The following KCNIP4 variants were observed in gnomAD, a reference collection of about 807,000 sequenced individuals.
KCNIP4 encodes the protein potassium voltage-gated channel interacting protein 4.
Under a neutral mutation model 34.0 loss-of-function variants are expected in KCNIP4, and 12 were observed. The observed-to-expected ratio is 0.35, with a 90% CI of 0.23 to 0.57. The LOEUF (loss-of-function observed/expected upper bound fraction) is 0.57. Ranked by LOEUF, KCNIP4 falls within the 20% of genes least tolerant of loss-of-function variation. KCNIP4 has a pLI of 0.83. For synonymous variants in KCNIP4, 124 were observed against 102.2 expected (o/e 1.21, Z -1.29); for missense variants, 238 against 311.7 (o/e 0.76, Z 1.78).
rs140861893 is a variant in KCNIP4 at position 21,372,353 on chromosome 4, A to AATAGATAGATAGATAGATAG, written c.62-489664_62-489645dup. 1.7e-3 allele frequency among the ~76,000 whole-genome samples: 240 copies of AATAGATAGATAGATAGATAG among 139,066 alleles called. 7 individuals carry two copies. The highest frequency in any genetic ancestry group is 2.8e-3 in the East Asian group (13 of 4,606). The allele number at this position is 139,066 out of a possible 152,430, so 91.2% of individuals were successfully genotyped here. On this transcript the variant is annotated intron_variant, in intron 1 of 8. Coordinates refer to ENST00000382152, the MANE Select transcript of KCNIP4 (RefSeq NM_025221.6). ...TTTTTTCAAGTTTTCCAGTTTGGTG[A>AATAGATAGATAGATAGATAG]ATAGATAGATAGATAGATAGATAGA...
At chr4:21,021,544 C>G (rs1285999175) in intron 1 of KCNIP4, among the ~76,000 whole-genome samples, 1 of 151,910 alleles carries the variant, frequency 6.6e-6, no homozygotes, top group Non-Finnish European at 1.5e-5. Flanking sequence ...TATTCTTATT[C>G]TATAAAATTT....
At chr4:21,933,419 G>T (rs1729685733) in intron 1 of KCNIP4, among the ~76,000 whole-genome samples, 1 of 151,990 alleles carries the variant, frequency 6.6e-6, no homozygotes, top group Non-Finnish European at 1.5e-5. Flanking sequence ...CCTTGTTCTT[G>T]TCTATCTCTA....
Position 21,263,968 on chromosome 4 carries a change from C to CGTGTGTGTGT in KCNIP4, c.62-381269_62-381260dup, listed in dbSNP as rs375296925. ...CCATGCCCAGCCCAATATATATATA[C>CGTGTGTGTGT]GTGTGTGTGTGTGTGTGTGTGTGTA... On this transcript the variant is annotated intron_variant, in intron 1 of 8. Coordinates refer to ENST00000382152, the MANE Select transcript of KCNIP4 (RefSeq NM_025221.6). 5.4e-5 allele frequency among the ~76,000 whole-genome samples: 8 copies of CGTGTGTGTGT among 148,304 alleles called. No individual in the cohort carries two copies. The East Asian group carries it at 1.2e-3, about 22-fold the overall frequency.
At chr4:21,278,809 A>T (rs1762599167) in intron 1 of KCNIP4, among the ~76,000 whole-genome samples, 1 of 152,206 alleles carries the variant, frequency 6.6e-6, no homozygotes, top group African/African-American at 2.4e-5. Context: ...CAAATTATAC[A>T]TATACAGAAA....
intron 1 of KCNIP4, among the ~76,000 whole-genome samples, chr4:21,124,486 G>A (rs891403511): frequency 6.6e-6 from 1 of 152,236 alleles, no homozygotes; most frequent in South Asian, 2.1e-4. Context: ...TACAAAATGG[G>A]CAGAATCTTT....
chr4:21,870,779 G>A (rs1725744371), intron 1 of KCNIP4, among the ~76,000 whole-genome samples: 1 of 152,138 alleles, frequency 6.6e-6, no homozygotes, highest in African/African-American at 2.4e-5. Flanking sequence ...TATTGGACAA[G>A]GTAAGATCTT....
intron 1 of KCNIP4, among the ~76,000 whole-genome samples, chr4:21,078,354 C>T (rs1745692775): frequency 6.6e-6 from 1 of 151,976 alleles, no homozygotes; most frequent in South Asian, 2.1e-4. Context: ...TTTATCTTCT[C>T]AGAATTCTAG....
chr4:20,742,146 G>C lies in KCNIP4; in HGVS notation c.430-7411C>G, dbSNP rs866459386. Among the ~76,000 whole-genome samples the C allele has an allele frequency of 1.4e-4, 22 of 152,276 alleles. No homozygotes were observed. In the South Asian group the frequency reaches 3.9e-3, roughly 27 times the overall value. ...AGCTGAATTCTACCAGAGGTACAAA[G>C]AGGAGCTGGTACCATTTCTTCTGAA... On this transcript the variant is annotated intron_variant, in intron 5 of 8. Coordinates refer to ENST00000382152, the MANE Select transcript of KCNIP4 (RefSeq NM_025221.6).
chr4:21,101,674 T>C (rs1747953851), intron 1 of KCNIP4, among the ~76,000 whole-genome samples: 1 of 152,188 alleles, frequency 6.6e-6, no homozygotes, highest in Non-Finnish European at 1.5e-5. Flanking sequence ...TAGTGTGCGG[T>C]AAGAGCTAGA....
At chr4:20,732,117 C>A in intron 7 of KCNIP4, 49 bp from the exon 8 acceptor site, 2 of 1,292,096 alleles carry the variant, frequency 1.5e-6, no homozygotes, top group East Asian at 2.3e-5. Flanking sequence ...CCCTTAATAC[C>A]CTCACACCTG....
intron 1 of KCNIP4, among the ~76,000 whole-genome samples, chr4:21,510,488 C>G (rs1487416390): frequency 6.6e-6 from 1 of 152,040 alleles, no homozygotes; most frequent in East Asian, 1.9e-4. Flanking sequence ...CAGATTTAGA[C>G]AGTGGGTGTT....
At chr4:21,800,612 T>A (rs1720927198) in intron 1 of KCNIP4, among the ~76,000 whole-genome samples, 1 of 152,206 alleles carries the variant, frequency 6.6e-6, no homozygotes, top group African/African-American at 2.4e-5. Context: ...CCCAATCATG[T>A]ACATTTTCTG....
At chr4:21,294,983 T>A (rs1022060439) in intron 1 of KCNIP4, among the ~76,000 whole-genome samples, 4 of 152,210 alleles carry the variant, frequency 2.6e-5, no homozygotes, top group Non-Finnish European at 5.9e-5. Flanking sequence ...CACAATATTC[T>A]CACTATGGCA....
At chr4:21,429,533 T>A (rs1726251656) in intron 1 of KCNIP4, among the ~76,000 whole-genome samples, 1 of 151,950 alleles carries the variant, frequency 6.6e-6, no homozygotes, top group African/African-American at 2.4e-5. Context: ...ATGATAAGAG[T>A]ATGTTTAGTT....
chr4:21,213,621 T>G (rs935387729), intron 1 of KCNIP4, among the ~76,000 whole-genome samples: 1 of 151,980 alleles, frequency 6.6e-6, no homozygotes, highest in African/African-American at 2.4e-5. Context: ...ACTTCTAAAC[T>G]GTTAAACTCC....
At chr4:21,247,800 G>GATAT (rs369985938) in intron 1 of KCNIP4, among the ~76,000 whole-genome samples, 1,374 of 50,698 alleles carry the variant, frequency 0.027, 25 homozygotes, top group Non-Finnish European at 0.032. Context: ...ACCACAGGTG[G>GATAT]ATATATATAT....
At chr4:21,579,850 T>C (rs568104230) in intron 1 of KCNIP4, among the ~76,000 whole-genome samples, 1 of 152,250 alleles carries the variant, frequency 6.6e-6, no homozygotes, top group Admixed American at 6.5e-5. Context: ...CAAGAATATA[T>C]AACACAGTAA....
At chr4:21,871,579 G>A (rs1387022560) in intron 1 of KCNIP4, among the ~76,000 whole-genome samples, 1 of 151,646 alleles carries the variant, frequency 6.6e-6, no homozygotes, top group African/African-American at 2.4e-5. Context: ...ACTTATAGGT[G>A]GGAATTGAAC....
intron 1 of KCNIP4, among the ~76,000 whole-genome samples, chr4:21,149,137 A>G (rs1196059836): frequency 6.6e-6 from 1 of 152,194 alleles, no homozygotes; most frequent in Admixed American, 6.5e-5. Flanking sequence ...ATATGAAGAG[A>G]AAGATCTGGT....
Sources: gnomAD v4.1 joint callset for allele counts (sites outside exome capture counted in the v4.1 genomes callset) on GRCh38, gnomAD v4.1.1 for gene constraint, MANE v1.5 for transcripts, NCBI Gene and HGNC (gene_info 2026-07-23, HGNC 2026-07-21) for gene names.